The following TMEM182 variants were observed in gnomAD, a reference collection of about 807,000 sequenced individuals.
The protein encoded by TMEM182 is transmembrane protein 182.
Under a neutral mutation model 26.8 loss-of-function variants are expected in TMEM182, and 20 were observed. The observed-to-expected ratio is 0.75, with a 90% confidence interval of 0.53 to 1.09. The LOEUF (loss-of-function observed/expected upper bound fraction) is 1.09, where lower values mean the gene tolerates loss of function less well. Among genes scored for constraint, TMEM182 ranks in the 50% least tolerant of loss-of-function variants. The pLI is 0.00. For synonymous variants in TMEM182, 109 were observed against 102.2 expected (o/e 1.07, Z -0.40); for missense variants, 277 against 275.5 (o/e 1.01, Z -0.04).
At chr2:102,807,743 C>T (rs1474454725) in intron 4 of TMEM182, among the ~76,000 whole-genome samples, 1 of 152,202 alleles carries the variant, frequency 6.6e-6, no homozygotes, top group Non-Finnish European at 1.5e-5. Flanking sequence ...CACTAATCCT[C>T]ATATTTCGTC....
chr2:102,749,463 A>C lies in TMEM182; in HGVS notation c.-82-8926A>C, dbSNP rs143266404. ...GAATGAGGAGTGACTGCAAATAGGC[A>C]ATTTCTTACTGGGAAAGATGAAAAC... On this transcript the variant is annotated intron_variant, in intron 1 of 5. Transcript: ENST00000409173. Among the ~76,000 whole-genome samples the C allele has an allele frequency of 3.9e-4, 60 of 152,314 alleles. No individual in the cohort carries two copies. In the East Asian group the frequency reaches 0.011, roughly 28 times the overall value.
intron 3 of TMEM182, among the ~76,000 whole-genome samples, chr2:102,834,871 C>T (rs112545227): frequency 1.1e-4 from 16 of 152,258 alleles, no homozygotes; most frequent in African/African-American, 3.6e-4. Flanking sequence ...ATAAAATATT[C>T]CTGGGGTCTA....
chr2:102,809,823 A>G (rs1682485437), intron 4 of TMEM182, among the ~76,000 whole-genome samples: 1 of 152,164 alleles, frequency 6.6e-6, no homozygotes, highest in Non-Finnish European at 1.5e-5. Context: ...TTTACGTAGA[A>G]AAAGGACGAT....
chr2:102,762,141 T>TGG lies in TMEM182; in HGVS notation c.-76_-75insGG. On this transcript the variant is annotated 5_prime_UTR_variant, in exon 1 of 5. Coordinates refer to ENST00000412401, the MANE Select transcript of TMEM182 (RefSeq NM_144632.5). ...ATTATTCTTTTTTTTTTTTTTTTGCTGTTGTTTCTGAGAAACTAGGTGTCT... is the reference window on the plus strand; with the variant it reads ...ATTATTCTTTTTTTTTTTTTTTTGCTGGGTTGTTTCTGAGAAACTAGGTGTCT... 1 of 1,020,338 alleles carries TGG rather than the reference T, an allele frequency of 9.8e-7. No homozygotes were observed. Among genetic ancestry groups the TGG allele is most frequent in the Non-Finnish European group, 1.4e-6 (1 of 702,662 alleles). The allele number at this position is 1,020,338 out of a possible 1,614,324, so 63.2% of individuals were successfully genotyped here.
At chr2:102,819,298 A>G (rs1682859907), downstream of TMEM182, among the ~76,000 whole-genome samples, 1 of 152,222 alleles carries the variant, frequency 6.6e-6, no homozygotes, top group African/African-American at 2.4e-5. Context: ...GTGATGTGTA[A>G]AGAATAATGC....
intron 3 of TMEM182, among the ~76,000 whole-genome samples, chr2:102,840,197 T>TGGA (rs1195550497): frequency 6.6e-6 from 1 of 151,782 alleles, no homozygotes; most frequent in Admixed American, 6.6e-5. Context: ...TCTCGAAGGG[T>TGGA]GGAGGCCTTG....
intron 4 of TMEM182, among the ~76,000 whole-genome samples, chr2:102,804,751 A>AT (rs1179589545): frequency 6.6e-6 from 1 of 152,204 alleles, no homozygotes. Context: ...GGAAAAAAAA[A>AT]GTAGTTAATA....
chr2:102,827,387 A>G (rs912446515), intron 3 of TMEM182, among the ~76,000 whole-genome samples: 49 of 152,220 alleles, frequency 3.2e-4, no homozygotes, highest in Admixed American at 1.3e-4. Flanking sequence ...TTTGCTTAAG[A>G]GCTTATAAAC....
intron 3 of TMEM182, among the ~76,000 whole-genome samples, chr2:102,773,356 G>A (rs1032923842): frequency 6.6e-6 from 1 of 151,954 alleles, no homozygotes; most frequent in Non-Finnish European, 1.5e-5. Flanking sequence ...GGGACTAAGG[G>A]GGTGGATATA....
intron 4 of TMEM182, among the ~76,000 whole-genome samples, chr2:102,811,764 G>A (rs1682563369): frequency 6.6e-6 from 1 of 152,176 alleles, no homozygotes; most frequent in African/African-American, 2.4e-5. Context: ...GCCCCATCAA[G>A]CTGGCTTCCA....
At chr2:102,839,778 A>G (rs571464867) in intron 3 of TMEM182, among the ~76,000 whole-genome samples, 1 of 152,234 alleles carries the variant, frequency 6.6e-6, no homozygotes, top group South Asian at 2.1e-4. Flanking sequence ...CACCTGATGA[A>G]TTGCCAAGGT....
chr2:102,790,567 T>C (rs886824840), intron 3 of TMEM182, among the ~76,000 whole-genome samples: 2 of 152,216 alleles, frequency 1.3e-5, no homozygotes, highest in Admixed American at 1.3e-4. Flanking sequence ...AGCACACTCA[T>C]ACAGACACAC....
At chr2:102,775,835 A>T (rs867408354) in intron 3 of TMEM182, among the ~76,000 whole-genome samples, 9 of 152,172 alleles carry the variant, frequency 5.9e-5, no homozygotes, top group Admixed American at 2.0e-4. Context: ...CTTACAAGGG[A>T]TGTGAAGGAC....
chr2:102,797,976 G>T lies in TMEM182; in HGVS notation c.445G>T (p.Gly149Trp), dbSNP rs549536315. 2.2e-5 allele frequency: 36 copies of T among 1,613,984 alleles called. No individual in the cohort carries two copies. In the South Asian group the frequency reaches 3.1e-4, roughly 14 times the overall value. ...CGCCAGCCATTTTCTCTACAAAGCTGGGGGAGGCTCATATATTGCTGCAGG... is the reference window on the plus strand; with the variant it reads ...CGCCAGCCATTTTCTCTACAAAGCTTGGGGAGGCTCATATATTGCTGCAGG... ...PFASHFLYKA[G>W]GGSYIAAGIL... The change falls in exon 4 of 5, where the codon GGG (glycine) becomes TGG (tryptophan). Residue 149 changes from glycine (G) to tryptophan (W), a missense_variant. Transcript: ENST00000412401.
rs2540321 is a variant in TMEM182 at position 102,817,165 on chromosome 2, T to A, written c.*2197T>A. On this transcript the variant is annotated 3_prime_UTR_variant, in exon 5 of 5. Transcript: ENST00000412401. ...TGAAATATACTTAAAAATGGCAGAGTTATATAGTACATTATTGTAGCAACC... is the reference window on the plus strand; with the variant it reads ...TGAAATATACTTAAAAATGGCAGAGATATATAGTACATTATTGTAGCAACC... 0.34 allele frequency: 331,748 copies of A among 984,890 alleles called. 57,330 individuals are homozygous for A. Among genetic ancestry groups the A allele is most frequent in the African/African-American group, 0.52 (29,962 of 57,232 alleles). 61.0% of individuals were successfully genotyped at this position (984,890 alleles called of 1,614,324 possible).
chr2:102,829,968 C>T (rs1351628208), intron 3 of TMEM182, among the ~76,000 whole-genome samples: 3 of 152,074 alleles, frequency 2.0e-5, no homozygotes, highest in Non-Finnish European at 4.4e-5. Context: ...TTCATATTAC[C>T]GGTAAGAGTG....
At chr2:102,831,709 A>G (rs1485846602) in intron 3 of TMEM182, among the ~76,000 whole-genome samples, 1 of 152,110 alleles carries the variant, frequency 6.6e-6, no homozygotes, top group Non-Finnish European at 1.5e-5. Flanking sequence ...GTGAGCTGAA[A>G]TCGCACCACT....
At position 102,802,444 on chromosome 2, in the gene TMEM182, G is replaced by A. The variant is rs572647773; in HGVS notation, c.469+4444G>A. ...CCTGTTTCCAGGAGAGTCAGTTCTG[G>A]GCAAAGTGTAGTCATTGTCAGGACA... On this transcript the variant is annotated intron_variant, in intron 4 of 4. Transcript: ENST00000412401. Among the ~76,000 whole-genome samples the A allele has an allele frequency of 3.9e-5, 6 of 152,288 alleles. No individual in the cohort carries two copies. The South Asian group carries it at 1.2e-3, about 32-fold the overall frequency.
chr2:102,797,975 TG>T lies in TMEM182; in HGVS notation c.449del (p.Gly150GlufsTer15). 1 of 1,614,014 alleles carries T rather than the reference TG, an allele frequency of 6.2e-7. No individual in the cohort carries two copies. Among genetic ancestry groups the T allele is most frequent in the Non-Finnish European group, 8.5e-7 (1 of 1,179,996 alleles). On this transcript the variant is annotated frameshift_variant, in exon 4 of 5. Transcript: ENST00000412401. LOFTEE classifies it high-confidence loss of function. ...TCGCCAGCCATTTTCTCTACAAAGC[TG>T]GGGGAGGCTCATATATTGCTGCAGG... is the stretch of plus-strand genomic sequence containing the variant. ...PFASHFLYKA[G>X]GGSYIAAGIL...
Sources: allele counts gnomAD v4.1 joint callset (sites outside exome capture counted in the v4.1 genomes callset), GRCh38; gene constraint gnomAD v4.1.1; transcripts MANE v1.5; gene names NCBI Gene and HGNC (gene_info 2026-07-23, HGNC 2026-07-21).